Variants in ZBTB16 observed in about 807,000 individuals in gnomAD.
ZBTB16 encodes the protein zinc finger and BTB domain-containing protein 16.
A neutral mutation model predicts 56.8 loss-of-function variants in ZBTB16; 8 were observed. That is an observed-to-expected ratio of 0.14 (90% CI 0.08 to 0.25). ZBTB16 has a LOEUF of 0.25. ZBTB16 is among the 10% of genes least tolerant of loss of function. ZBTB16 has a pLI of 1.00. For missense variants in ZBTB16, 625 were observed against 903.0 expected, an observed-to-expected ratio of 0.69 and a Z score of 3.95; for synonymous variants, 363 against 368.5, an observed-to-expected ratio of 0.98 and a Z score of 0.17.
chr11:114,065,785 G>A (rs1939093820), intron 2 of ZBTB16, among the ~76,000 whole-genome samples: 1 of 152,192 alleles, frequency 6.6e-6, no homozygotes, highest in East Asian at 1.9e-4. Flanking sequence ...GGGTCACATA[G>A]ATAGTAAGAG....
At chr11:114,071,385 A>G (rs1178406516) in intron 2 of ZBTB16, among the ~76,000 whole-genome samples, 1 of 152,090 alleles carries the variant, frequency 6.6e-6, no homozygotes, top group Admixed American at 6.5e-5. Flanking sequence ...CTTTCATCTC[A>G]GTGAGAAGTC....
In ZBTB16 at chr11:114,060,461, C is replaced by A; in HGVS notation, c.-91+579C>A. ...GCTTTTTCTTGATTGGACTTGATCCCCACCCCCCTTTTGCAGGGGAGGGAG... is the reference window on the plus strand; with the variant it reads ...GCTTTTTCTTGATTGGACTTGATCCACACCCCCCTTTTGCAGGGGAGGGAG... On this transcript the variant is annotated intron_variant, in intron 1 of 6. Transcript: ENST00000335953. This position sits in a 1 kb window ranked among gnomAD's most constrained non-coding sequence, Gnocchi z 6.0. 1 of 152,204 alleles carries A rather than the reference C, an allele frequency of 6.6e-6. No individual in the cohort carries two copies. Among genetic ancestry groups the A allele is most frequent in the Non-Finnish European group, 1.5e-5 (1 of 68,018 alleles). 9.4% of individuals were successfully genotyped at this position (152,204 alleles called of 1,614,324 possible). A position where few individuals can be genotyped will look rare whatever the true frequency, so the allele number is the denominator to read the frequency against.
intron 4 of ZBTB16, among the ~76,000 whole-genome samples, chr11:114,192,356 G>A (rs1943515957): frequency 6.6e-6 from 1 of 152,162 alleles, no homozygotes; most frequent in African/African-American, 2.4e-5. Flanking sequence ...GCCCCAGATA[G>A]AAGGCGGTGG....
In ZBTB16 at chr11:114,233,121, A is replaced by ACT. The variant is rs1565700139; in HGVS notation, c.1454-9045_1454-9044insTC. On this transcript the variant is annotated intron_variant, in intron 4 of 6. Coordinates refer to ENST00000335953, the MANE Select transcript of ZBTB16 (RefSeq NM_006006.6). ...CACACACACACACACACACACACAC[A>ACT]CACACTCTCTCTCTCTCACACTCCC... Among the ~76,000 whole-genome samples, 14 of 58,980 alleles carry ACT rather than the reference A, an allele frequency of 2.4e-4. 2 individuals carry two copies. In the East Asian group the frequency reaches 5.3e-3, roughly 22 times the overall value. 38.7% of individuals were successfully genotyped at this position (58,980 alleles called of 152,430 possible).
rs572746991 is a variant in ZBTB16 at position 114,060,804 on chromosome 11, C to A, written c.-91+922C>A. Among the ~76,000 whole-genome samples the A allele has an allele frequency of 6.6e-6, 1 of 151,964 alleles. No homozygotes were observed. Among genetic ancestry groups the A allele is most frequent in the Non-Finnish European group, 1.5e-5 (1 of 67,958 alleles). On this transcript the variant is annotated intron_variant, in intron 1 of 6. Coordinates refer to ENST00000335953, the MANE Select transcript of ZBTB16 (RefSeq NM_006006.6). This position sits in a 1 kb window ranked among gnomAD's most constrained non-coding sequence, Gnocchi z 6.0. Reference sequence around the variant, plus strand: ...CCGTGCTTGGGCCGGGCGCGCTGGCCGCTGGCGCCGCTGGCCAGAGGCCTG... The same window carrying A: ...CCGTGCTTGGGCCGGGCGCGCTGGCAGCTGGCGCCGCTGGCCAGAGGCCTG...
intron 4 of ZBTB16, among the ~76,000 whole-genome samples, chr11:114,224,914 G>C (rs1944300032): frequency 6.6e-6 from 1 of 152,192 alleles, no homozygotes; most frequent in Admixed American, 6.5e-5. Context: ...AACAGTTTTG[G>C]TGTCAGTGGA....
intron 2 of ZBTB16, among the ~76,000 whole-genome samples, chr11:114,131,754 C>T (rs1170239254): frequency 6.6e-6 from 1 of 152,140 alleles, no homozygotes; most frequent in Non-Finnish European, 1.5e-5. Context: ...ATTCTGCTTA[C>T]CGCGGGTCAG....
At chr11:114,196,670 T>C (rs1167557086) in intron 4 of ZBTB16, among the ~76,000 whole-genome samples, 3 of 152,226 alleles carry the variant, frequency 2.0e-5, no homozygotes, top group Admixed American at 2.0e-4. Context: ...AGGTGCTTTG[T>C]GGACTTAATA....
chr11:114,066,768 ATTT>A (rs11371325), intron 2 of ZBTB16, among the ~76,000 whole-genome samples: 289 of 111,392 alleles, frequency 2.6e-3, no homozygotes, highest in South Asian at 0.012. Context: ...CACTCACTAC[ATTT>A]TTTTTTTTTT....
chr11:114,124,558 A>AAAAAAAAAAAAAAAAAAAAC (rs1941443653), intron 2 of ZBTB16, among the ~76,000 whole-genome samples: 1 of 95,474 alleles, frequency 1.0e-5, no homozygotes, highest in African/African-American at 4.4e-5. Context: ...AAAAAAAACC[A>AAAAAAAAAAAAAAAAAAAAC]AAAAAAAAAA....
intron 2 of ZBTB16, among the ~76,000 whole-genome samples, chr11:114,151,353 C>T (rs1020711838): frequency 3.3e-5 from 5 of 152,156 alleles, no homozygotes; most frequent in African/African-American, 1.2e-4. Context: ...GAGGATGGCT[C>T]AGTTAGGCTG....
At chr11:114,079,967 G>C (rs1279060597) in intron 2 of ZBTB16, among the ~76,000 whole-genome samples, 1 of 152,124 alleles carries the variant, frequency 6.6e-6, no homozygotes, top group African/African-American at 2.4e-5. Flanking sequence ...TGTGAGTTTG[G>C]GCTCCGGGGC....
At chr11:114,127,311 G>A (rs1386095440) in intron 2 of ZBTB16, among the ~76,000 whole-genome samples, 3 of 152,132 alleles carry the variant, frequency 2.0e-5, no homozygotes, top group African/African-American at 4.8e-5. Flanking sequence ...GCTGAGCCAC[G>A]TGCATTGGAC....
chr11:114,077,600 A>G (rs1429608959), intron 2 of ZBTB16, among the ~76,000 whole-genome samples: 3 of 152,104 alleles, frequency 2.0e-5, no homozygotes, highest in Admixed American at 6.5e-5. Flanking sequence ...TCTCAGAAAA[A>G]ATGAAACGGC....
intron 3 of ZBTB16, among the ~76,000 whole-genome samples, chr11:114,175,038 G>C (rs1943072650): frequency 6.6e-6 from 1 of 152,226 alleles, no homozygotes; most frequent in Non-Finnish European, 1.5e-5. Context: ...TTAACTCTCT[G>C]AGCCTTGGTT....
Position 114,253,866 on chromosome 11 carries a change from C to T in ZBTB16, c.*3311C>T, listed in dbSNP as rs1944957038. Among the ~76,000 whole-genome samples, 1 of 152,142 alleles carries T rather than the reference C, an allele frequency of 6.6e-6. No homozygotes were observed. The highest frequency in any genetic ancestry group is 2.4e-5 in the African/African-American group (1 of 41,428). On this transcript the variant is annotated 3_prime_UTR_variant, in exon 7 of 7. Coordinates refer to ENST00000335953, the MANE Select transcript of ZBTB16 (RefSeq NM_006006.6). ...AGGAGGGTAGACAGGGGTCTCTCCC[C>T]AGGTGGGATCTGAATATCTGTCCTC...
intron 2 of ZBTB16, among the ~76,000 whole-genome samples, chr11:114,095,245 CTTTTTT>C (rs745895999): frequency 4.4e-5 from 4 of 90,456 alleles, no homozygotes; most frequent in African/African-American, 1.2e-4. Context: ...CTTTTCTTTT[CTTTTTT>C]TTTTTTTTTT....
chr11:114,095,988 T>G lies in ZBTB16; in HGVS notation c.1268+31420T>G, dbSNP rs181123870. On this transcript the variant is annotated intron_variant, in intron 2 of 6. Transcript: ENST00000335953. ...TTAGTGTCCTTTACACAAAATTGGC[T>G]TAGAATTGGATTTAGAGAAGATAAG... Among the ~76,000 whole-genome samples the G allele has an allele frequency of 2.6e-5, 4 of 152,336 alleles. No homozygotes were observed. The East Asian group carries it at 7.7e-4, about 29-fold the overall frequency.
At chr11:114,094,631 G>T (rs1356972531) in intron 2 of ZBTB16, among the ~76,000 whole-genome samples, 1 of 152,242 alleles carries the variant, frequency 6.6e-6, no homozygotes, top group Non-Finnish European at 1.5e-5. Flanking sequence ...AAGCATGGTT[G>T]CTAGTGGTCC....
Sources: gnomAD v4.1 joint callset for allele counts (sites outside exome capture counted in the v4.1 genomes callset) on GRCh38, gnomAD v4.1.1 for gene constraint, Gnocchi (gnomAD v3.1) non-coding constraint, MANE v1.5 for transcripts, NCBI Gene and HGNC (gene_info 2026-07-23, HGNC 2026-07-21) for gene names.